The following MCTP2 variants were observed in gnomAD, a reference collection of about 807,000 sequenced individuals.
The protein encoded by MCTP2 is multiple C2 and transmembrane domain-containing protein 2.
Under a neutral mutation model 111.6 loss-of-function variants are expected in MCTP2, and 132 were observed. That is an observed-to-expected ratio of 1.18 (90% CI 1.03 to 1.37). The LOEUF is 1.37. Ranked by LOEUF, MCTP2 falls within the 40% of genes most tolerant of loss-of-function variation. The probability of loss-of-function intolerance (pLI) is 0.00; values close to 1 mark genes in which losing one functional copy is unlikely to be tolerated. For missense variants in MCTP2, 1,183 were observed against 1,067.9 expected (o/e 1.11, Z -1.50); for synonymous variants, 395 against 387.7 (o/e 1.02, Z -0.22).
intron 4 of MCTP2, among the ~76,000 whole-genome samples, chr15:94,326,788 G>A (rs1238742612): frequency 1.4e-5 from 2 of 140,954 alleles, no homozygotes; most frequent in African/African-American, 5.2e-5. Context: ...GGCTGGTCTC[G>A]AACTCTTGAC....
chr15:94,288,742 A>G (rs879642303), intron 1 of MCTP2, among the ~76,000 whole-genome samples: 1 of 152,250 alleles, frequency 6.6e-6, no homozygotes, highest in Middle Eastern at 3.2e-3. Context: ...GAGCTATTGT[A>G]GAATGCTCAA....
chr15:94,473,956 AT>A (rs35338578), intron 21 of MCTP2, among the ~76,000 whole-genome samples: 109,853 of 150,734 alleles, frequency 0.73, 40,539 homozygotes, highest in African/African-American at 0.86. Context: ...TCTCCAAGTG[AT>A]TTTTTTTTTT....
intron 11 of MCTP2, among the ~76,000 whole-genome samples, chr15:94,368,987 G>GCC (rs527565549): frequency 4.6e-5 from 7 of 152,200 alleles, no homozygotes; most frequent in Non-Finnish European, 1.0e-4. Flanking sequence ...GGGAACGAAT[G>GCC]CTGTTTCAAA....
At chr15:94,403,924 T>A (rs575302419) in intron 17 of MCTP2, among the ~76,000 whole-genome samples, 1 of 152,194 alleles carries the variant, frequency 6.6e-6, no homozygotes, top group Non-Finnish European at 1.5e-5. Context: ...ACATTTCTCA[T>A]TGGACACCAT....
intron 1 of MCTP2, among the ~76,000 whole-genome samples, chr15:94,284,795 G>T (rs2074673229): frequency 6.6e-6 from 1 of 151,880 alleles, no homozygotes; most frequent in Non-Finnish European, 1.5e-5. Context: ...TTGGCCCAGG[G>T]ATCTGAAAAT....
At chr15:94,388,506 C>T (rs984465921) in intron 14 of MCTP2, among the ~76,000 whole-genome samples, 3 of 152,164 alleles carry the variant, frequency 2.0e-5, no homozygotes, top group Non-Finnish European at 2.9e-5. Flanking sequence ...CTTAAAATTG[C>T]TGTAACCCTC....
intron 7 of MCTP2, chr15:94,341,546 T>C (rs1049470652): frequency 2.6e-5 from 4 of 152,214 alleles, no homozygotes; most frequent in Admixed American, 1.3e-4. Flanking sequence ...TATAATCCAA[T>C]ATAAAAATAT....
chr15:94,285,381 C>T (rs1333686136), intron 1 of MCTP2, among the ~76,000 whole-genome samples: 1 of 152,226 alleles, frequency 6.6e-6, no homozygotes, highest in Non-Finnish European at 1.5e-5. Flanking sequence ...TAGTGACCCA[C>T]TCTTATCACT....
intron 19 of MCTP2, among the ~76,000 whole-genome samples, chr15:94,451,730 G>T (rs1342403289): frequency 6.6e-6 from 1 of 152,192 alleles, no homozygotes; most frequent in African/African-American, 2.4e-5. Context: ...TCTGAAATGT[G>T]TAAATAAAGC....
chr15:94,454,116 C>A (rs982730108), intron 19 of MCTP2, among the ~76,000 whole-genome samples: 8 of 151,988 alleles, frequency 5.3e-5, no homozygotes, highest in African/African-American at 1.9e-4. Context: ...ATTTTTTTAC[C>A]TAATATATGA....
At chr15:94,291,490 A>C (rs576210138) in intron 1 of MCTP2, among the ~76,000 whole-genome samples, 1 of 152,238 alleles carries the variant, frequency 6.6e-6, no homozygotes, top group East Asian at 1.9e-4. Flanking sequence ...AATCCCAGCT[A>C]TCTGGGAGGC....
At position 94,415,118 on chromosome 15, in the gene MCTP2, G is replaced by A. The variant is rs1336847942; in HGVS notation, c.2085+13099G>A. Among the ~76,000 whole-genome samples, 4 of 152,126 alleles carry A rather than the reference G, an allele frequency of 2.6e-5. No homozygotes were observed. In the South Asian group the frequency reaches 6.2e-4, roughly 24 times the overall value. On this transcript the variant is annotated intron_variant, in intron 17 of 22. Transcript: ENST00000357742. Reference sequence around the variant, plus strand: ...CTAAAAAGCCTTAGGGAAGCATTATGTGTCTGAGGTCTGATCTATTGTCTG... The same window carrying A: ...CTAAAAAGCCTTAGGGAAGCATTATATGTCTGAGGTCTGATCTATTGTCTG...
chr15:94,247,629 C>T (rs2072109818), intron 1 of MCTP2, among the ~76,000 whole-genome samples: 1 of 152,086 alleles, frequency 6.6e-6, no homozygotes, highest in Admixed American at 6.5e-5. Flanking sequence ...CGGGCGCATC[C>T]TCACCATAGT....
intron 21 of MCTP2, chr15:94,476,451 A>G: frequency 3.6e-6 from 1 of 280,542 alleles, no homozygotes. Context: ...CTTCAGGAAA[A>G]GGCATTTGTG....
Position 94,400,562 on chromosome 15 carries a change from A to G in MCTP2, c.1965+567A>G, listed in dbSNP as rs926446538. Among the ~76,000 whole-genome samples the G allele has an allele frequency of 2.0e-5, 3 of 151,218 alleles. No homozygotes were observed. The East Asian group carries it at 5.8e-4, about 29-fold the overall frequency. The stretch of plus-strand genomic sequence containing the variant: ...CTTAACTCCTTTCTCATTCAGTTCA[A>G]CAAAAGGTGAAGTTCAGGGTCTGGT... On this transcript the variant is annotated intron_variant, in intron 16 of 22. Transcript: ENST00000357742.
Position 94,481,917 on chromosome 15 carries a change from A to G in MCTP2, c.*2883A>G, listed in dbSNP as rs1331821126. On this transcript the variant is annotated 3_prime_UTR_variant, in exon 23 of 23. Coordinates refer to ENST00000357742, the MANE Select transcript of MCTP2 (RefSeq NM_001385001.1). The stretch of plus-strand genomic sequence containing the variant: ...TTAGTATGATCTATCCTGGAGATTC[A>G]TTTCTTGCATTAAGAGCTTATTTTG... 2 of 152,200 alleles carry G rather than the reference A, an allele frequency of 1.3e-5. No homozygotes were observed. The highest frequency in any genetic ancestry group is 1.9e-4 in the East Asian group (1 of 5,194). The allele number at this position is 152,200 out of a possible 1,614,324, so 9.4% of individuals were successfully genotyped here.
intron 20 of MCTP2, among the ~76,000 whole-genome samples, chr15:94,462,874 A>G (rs1453208565): frequency 1.3e-5 from 2 of 152,246 alleles, no homozygotes; most frequent in Admixed American, 6.5e-5. Flanking sequence ...GATGACAGGT[A>G]TTAATCACCT....
intron 20 of MCTP2, among the ~76,000 whole-genome samples, chr15:94,458,835 A>G (rs1189534204): frequency 6.6e-6 from 1 of 152,218 alleles, no homozygotes; most frequent in Non-Finnish European, 1.5e-5. Flanking sequence ...CTCTGTTGTT[A>G]AAGTGTAAAA....
Position 94,356,167 on chromosome 15 carries a change from G to A in MCTP2, c.1036G>A (p.Glu346Lys). The A allele has an allele frequency of 6.2e-7, 1 of 1,611,208 alleles. No homozygotes were observed. The highest frequency in any genetic ancestry group is 1.3e-5 in the African/African-American group (1 of 74,808). ...TTTGATACGCAACCTACGGCTCTCTGAGTCCTTGAAAAAGAACCAACTCTG... is the reference window on the plus strand; with the variant it reads ...TTTGATACGCAACCTACGGCTCTCTAAGTCCTTGAAAAAGAACCAACTCTG... The part of the protein sequence containing the change: ...SSLIRNLRLS[E>K]SLKKNQLWNG... Residue 346 changes from glutamate to lysine, a missense_variant, in exon 9 of 23, where the codon GAG (glutamate) becomes AAG (lysine). Glu to Lys is a moderately conservative substitution (Grantham distance 56). Coordinates refer to ENST00000357742, the MANE Select transcript of MCTP2 (RefSeq NM_001385001.1).
Sources: gnomAD v4.1 joint callset for allele counts (sites outside exome capture counted in the v4.1 genomes callset) on GRCh38, gnomAD v4.1.1 for gene constraint, MANE v1.5 for transcripts, NCBI Gene and HGNC (gene_info 2026-07-23, HGNC 2026-07-21) for gene names.